The following ATP2A2 variants were observed in gnomAD, a reference collection of about 807,000 sequenced individuals.
The protein encoded by ATP2A2 is ATPase sarcoplasmic/endoplasmic reticulum Ca2+ transporting 2.
Under a neutral mutation model 109.3 loss-of-function variants are expected in ATP2A2, and 14 were observed. That is an observed-to-expected ratio of 0.13 (90% CI 0.08 to 0.20). The LOEUF is 0.20. Ranked by LOEUF, ATP2A2 falls within the 10% of genes least tolerant of loss-of-function variation. The pLI is 1.00. For missense variants in ATP2A2, 657 were observed against 1,321.6 expected (o/e 0.50, Z 7.80); for synonymous variants, 506 against 490.9 (o/e 1.03, Z -0.41).
At chr12:110,326,047 T>C in intron 6 of ATP2A2, 1 of 332,006 alleles carries the variant, frequency 3.0e-6, no homozygotes, top group East Asian at 6.8e-5. Context: ...ACAACAAATA[T>C]ATGTAAATAA....
chr12:110,322,665 T>C (rs1425687222), intron 5 of ATP2A2, among the ~76,000 whole-genome samples: 1 of 152,256 alleles, frequency 6.6e-6, no homozygotes, highest in Non-Finnish European at 1.5e-5. Flanking sequence ...GTAAGACTTT[T>C]ACTTACTGCT....
intron 3 of ATP2A2, among the ~76,000 whole-genome samples, chr12:110,283,815 C>T (rs1045445679): frequency 4.6e-5 from 7 of 152,082 alleles, no homozygotes; most frequent in Non-Finnish European, 1.0e-4. Context: ...GTATGCAGGT[C>T]CCAGGGATCA....
chr12:110,284,576 A>AT (rs1872485673), intron 3 of ATP2A2, among the ~76,000 whole-genome samples: 1 of 152,022 alleles, frequency 6.6e-6, no homozygotes, highest in Non-Finnish European at 1.5e-5. Flanking sequence ...TTGTTTGTTC[A>AT]TTTTTTACTT....
At chr12:110,315,562 CAG>C (rs1309834919) in intron 5 of ATP2A2, among the ~76,000 whole-genome samples, 1 of 152,158 alleles carries the variant, frequency 6.6e-6, no homozygotes, top group Non-Finnish European at 1.5e-5. Flanking sequence ...GACTAAAACT[CAG>C]AGTTTGTAAC....
chr12:110,323,655 C>G (rs982560670), intron 6 of ATP2A2, among the ~76,000 whole-genome samples: 3 of 152,024 alleles, frequency 2.0e-5, no homozygotes, highest in African/African-American at 7.2e-5. Flanking sequence ...ACAAAAAATA[C>G]AAAAATTAGC....
chr12:110,282,231 C>A (rs1165060216), intron 1 of ATP2A2, among the ~76,000 whole-genome samples: 4 of 152,220 alleles, frequency 2.6e-5, no homozygotes, highest in Non-Finnish European at 4.4e-5. Flanking sequence ...TTCTCGTCCC[C>A]TGCCGATTTA....
chr12:110,298,581 G>A (rs1874216597), intron 5 of ATP2A2, among the ~76,000 whole-genome samples: 1 of 152,162 alleles, frequency 6.6e-6, no homozygotes, highest in Non-Finnish European at 1.5e-5. Context: ...AGCTGGGCAT[G>A]GTGGCTCCCA....
At chr12:110,309,794 G>A (rs777997087) in intron 5 of ATP2A2, among the ~76,000 whole-genome samples, 21 of 151,832 alleles carry the variant, frequency 1.4e-4, no homozygotes, top group Admixed American at 7.2e-4. Context: ...TAGTCCCAAC[G>A]ACTTGAAAAG....
chr12:110,332,807 C>G (rs1427734330), intron 9 of ATP2A2, 122 bp downstream of exon 9: 4 of 904,986 alleles, frequency 4.4e-6, no homozygotes, highest in Non-Finnish European at 7.4e-6. Flanking sequence ...ACACTTATTA[C>G]TAAAGTAGTA....
chr12:110,299,991 G>C (rs1415713963), intron 5 of ATP2A2, among the ~76,000 whole-genome samples: 1 of 151,342 alleles, frequency 6.6e-6, no homozygotes. Flanking sequence ...CCCGACCTCA[G>C]GTGGTCCGCC....
rs754482484 is a variant in ATP2A2 at position 110,339,459 on chromosome 12, A to G, written c.1543-44A>G. On this transcript the variant is annotated intron_variant, in intron 12 of 19. Coordinates refer to ENST00000539276, the MANE Select transcript of ATP2A2 (RefSeq NM_170665.4). This position sits in a 1 kb window ranked among gnomAD's most constrained non-coding sequence, Gnocchi z 4.4. The stretch of plus-strand genomic sequence containing the variant: ...CTTGCCAGGGTTAAGATCCCGGTGA[A>G]CCAATAAAACAAAATTGTTTATCTA... 1 of 1,614,170 alleles carries G rather than the reference A, an allele frequency of 6.2e-7. No individual in the cohort carries two copies. Among genetic ancestry groups the G allele is most frequent in the South Asian group, 1.1e-5 (1 of 91,070 alleles).
At chr12:110,335,613 A>G (rs1275931669) in intron 11 of ATP2A2, among the ~76,000 whole-genome samples, 2 of 152,270 alleles carry the variant, frequency 1.3e-5, no homozygotes, top group African/African-American at 2.4e-5. Flanking sequence ...GAGAAGTGAT[A>G]TGCAGATAAG....
At chr12:110,320,376 T>G (rs1194975788) in intron 5 of ATP2A2, among the ~76,000 whole-genome samples, 1 of 152,224 alleles carries the variant, frequency 6.6e-6, no homozygotes, top group African/African-American at 2.4e-5. Flanking sequence ...TTCTACTCCA[T>G]AGGATCATGA....
chr12:110,304,915 G>A (rs1875102776), intron 5 of ATP2A2, among the ~76,000 whole-genome samples: 1 of 152,110 alleles, frequency 6.6e-6, no homozygotes, highest in South Asian at 2.1e-4. Context: ...TTGGGAGGCT[G>A]AGGCAGGAAA....
rs1877899218 is a variant in ATP2A2, at chr12:110,327,255, C to CTG, written c.631-297_631-296insGT. On this transcript the variant is annotated intron_variant, in intron 7 of 19. Transcript: ENST00000539276. The surrounding 1 kb of genome is among the most constrained non-coding windows in gnomAD (Gnocchi z 4.4). Reference sequence around the variant, plus strand: ...GAAGTGGAGAATGCTTAGAGTTGAACTATATGAGTTTGAAAAATTGGGAAC... The same window carrying CTG: ...GAAGTGGAGAATGCTTAGAGTTGAACTGTATATGAGTTTGAAAAATTGGGAAC... Among the ~76,000 whole-genome samples the CTG allele has an allele frequency of 6.6e-6, 1 of 152,038 alleles. No homozygotes were observed. The highest frequency in any genetic ancestry group is 2.4e-5 in the African/African-American group (1 of 41,334).
intron 17 of ATP2A2, 83 bp from the exon 18 acceptor site, chr12:110,345,166 C>A: frequency 6.2e-7 from 1 of 1,603,628 alleles, no homozygotes; most frequent in South Asian, 1.1e-5. Context: ...TCAGGCTGGT[C>A]TGTGCTAGGC....
intron 5 of ATP2A2, among the ~76,000 whole-genome samples, chr12:110,312,377 G>A (rs959602554): frequency 1.3e-5 from 2 of 152,058 alleles, no homozygotes; most frequent in Non-Finnish European, 2.9e-5. Flanking sequence ...AATTTGAGTA[G>A]CAAGGCTCTA....
intron 5 of ATP2A2, among the ~76,000 whole-genome samples, chr12:110,301,782 C>T (rs1047608333): frequency 6.6e-6 from 1 of 152,232 alleles, no homozygotes; most frequent in Non-Finnish European, 1.5e-5. Context: ...GTGTATGTAC[C>T]TCCTGCTTTC....
intron 8 of ATP2A2, among the ~76,000 whole-genome samples, chr12:110,328,395 AC>A (rs1342909370): frequency 1.1e-4 from 16 of 152,154 alleles, no homozygotes; most frequent in Non-Finnish European, 1.6e-4. Flanking sequence ...AAATGGTGAA[AC>A]CCTGTCTCTA....
Sources: allele counts gnomAD v4.1 joint callset (sites outside exome capture counted in the v4.1 genomes callset), GRCh38; gene constraint gnomAD v4.1.1; non-coding constraint Gnocchi (gnomAD v3.1); transcripts MANE v1.5; gene names NCBI Gene and HGNC (gene_info 2026-07-23, HGNC 2026-07-21).